CIMAP3: variants seen among roughly 807,000 people sequenced by gnomAD.
CIMAP3 encodes ciliary microtubule-associated protein 3.
chr1:111,329,783 A>C, the CIMAP3 span, among the ~76,000 whole-genome samples: 6 of 151,754 alleles, frequency 4.0e-5, no homozygotes, highest in Admixed American at 1.3e-4. Context: ...TGAACTCCTG[A>C]CCTCAGGTAA....
the CIMAP3 span, among the ~76,000 whole-genome samples, chr1:111,331,288 A>T: frequency 3.3e-5 from 5 of 152,140 alleles, no homozygotes; most frequent in Non-Finnish European, 5.9e-5. Context: ...TATTTCATTT[A>T]AATATGTTTC....
the CIMAP3 span, chr1:111,347,636 T>TTTTTTG: frequency 8.2e-7 from 1 of 1,212,812 alleles, no homozygotes; most frequent in Non-Finnish European, 1.2e-6. Flanking sequence ...TTTTTTTTTT[T>TTTTTTG]TGGTGTTTTT....
chr1:111,337,911 C>T, the CIMAP3 span, among the ~76,000 whole-genome samples: 1 of 150,638 alleles, frequency 6.6e-6, no homozygotes, highest in Middle Eastern at 3.4e-3. Context: ...CAGCACCACA[C>T]CACACCTATT....
At chr1:111,329,556 T>C in the CIMAP3 span, among the ~76,000 whole-genome samples, 1 of 115,656 alleles carries the variant, frequency 8.6e-6, no homozygotes, top group South Asian at 3.0e-4. Context: ...TATATATATA[T>C]ATAATTTTTT....
At chr1:111,344,336 C>A in the CIMAP3 span, among the ~76,000 whole-genome samples, 1 of 152,158 alleles carries the variant, frequency 6.6e-6, no homozygotes, top group African/African-American at 2.4e-5. Flanking sequence ...AAACTTCAAA[C>A]TGTGTTTTCC....
chr1:111,352,054 CTGAA>C, the CIMAP3 span: 1 of 152,162 alleles, frequency 6.6e-6, no homozygotes, highest in Non-Finnish European at 1.5e-5. Flanking sequence ...GCCCTCCAAT[CTGAA>C]TGACCCCCTA....
At chr1:111,325,190 G>GTTAAATACCAAATAGA in the CIMAP3 span, among the ~76,000 whole-genome samples, 1 of 152,196 alleles carries the variant, frequency 6.6e-6, no homozygotes, top group Admixed American at 6.5e-5. Flanking sequence ...ACCAAATATA[G>GTTAAATACCAAATAGA]GTTAGTCCCT....
the CIMAP3 span, among the ~76,000 whole-genome samples, chr1:111,338,853 A>G: frequency 3.2e-4 from 49 of 152,352 alleles, no homozygotes; most frequent in African/African-American, 1.1e-3. Context: ...AACTCATTTT[A>G]TGAGGCCAGC....
chr1:111,350,064 T>A, the CIMAP3 span: 2 of 1,496,450 alleles, frequency 1.3e-6, no homozygotes, highest in Non-Finnish European at 1.9e-6. Context: ...TTGTGTATGA[T>A]CACTAACTCA....
chr1:111,326,164 G>A, the CIMAP3 span, among the ~76,000 whole-genome samples: 1 of 152,120 alleles, frequency 6.6e-6, no homozygotes, highest in African/African-American at 2.4e-5. Flanking sequence ...AACAATTCAA[G>A]TCCTCTCTTC....
the CIMAP3 span, among the ~76,000 whole-genome samples, chr1:111,336,174 G>A: frequency 2.1e-4 from 32 of 152,214 alleles, no homozygotes; most frequent in African/African-American, 6.3e-4. Context: ...CAAACAGAAA[G>A]GACATCCACA....
At chr1:111,341,434 T>C in the CIMAP3 span, among the ~76,000 whole-genome samples, 1 of 152,164 alleles carries the variant, frequency 6.6e-6, no homozygotes, top group Admixed American at 6.5e-5. Flanking sequence ...AAAGGGAACT[T>C]TGTTCCAGAA....
the CIMAP3 span, chr1:111,346,813 T>C: frequency 1.9e-6 from 3 of 1,574,712 alleles, no homozygotes; most frequent in Non-Finnish European, 2.6e-6. Flanking sequence ...GGTTGGGCCC[T>C]GTCCTCTGCT....
At chr1:111,339,553 C>T in the CIMAP3 span, among the ~76,000 whole-genome samples, 1 of 151,500 alleles carries the variant, frequency 6.6e-6, no homozygotes. Context: ...CATTCTTATA[C>T]ACCAATAACA....
the CIMAP3 span, among the ~76,000 whole-genome samples, chr1:111,338,464 GA>G: frequency 2.4e-5 from 3 of 124,942 alleles, no homozygotes; most frequent in Non-Finnish European, 3.6e-5. Flanking sequence ...GAATAATAAA[GA>G]AAAAAAGAGA....
the CIMAP3 span, chr1:111,347,744 C>CAGCTGTGA: frequency 1.2e-6 from 2 of 1,612,192 alleles, no homozygotes; most frequent in African/African-American, 2.7e-5. Flanking sequence ...GGAGCCAGAA[C>CAGCTGTGA]AGCTGTGAGG....
the CIMAP3 span, chr1:111,348,794 A>C: frequency 2.9e-5 from 23 of 806,576 alleles, no homozygotes; most frequent in Non-Finnish European, 4.0e-5. Context: ...CAATTGTCTC[A>C]CAGATTTCTG....
chr1:111,332,855 C>T, the CIMAP3 span, among the ~76,000 whole-genome samples: 1 of 152,194 alleles, frequency 6.6e-6, no homozygotes, highest in Admixed American at 6.5e-5. Flanking sequence ...GGGGGCTTGC[C>T]CTCCAGGGGC....
chr1:111,333,934 C>A, the CIMAP3 span, among the ~76,000 whole-genome samples: 1 of 152,272 alleles, frequency 6.6e-6, no homozygotes, highest in South Asian at 2.1e-4. Flanking sequence ...ATTCTCATTG[C>A]ATATACAGTC....
Sources: gnomAD v4.1 joint callset for allele counts (sites outside exome capture counted in the v4.1 genomes callset) on GRCh38, gnomAD v4.1.1 for gene constraint, MANE v1.5 for transcripts, NCBI Gene and HGNC (gene_info 2026-07-23, HGNC 2026-07-21) for gene names.